The following SLC30A9 variants were observed in gnomAD, a reference collection of about 807,000 sequenced individuals.
SLC30A9 encodes the protein solute carrier family 30 member 9, also known as proton-coupled zinc antiporter SLC30A9, mitochondrial.
SLC30A9 carries 58 observed loss-of-function variants against 87.5 expected under a neutral mutation model. That is an observed-to-expected ratio of 0.66 (90% CI 0.54 to 0.82). SLC30A9 has a LOEUF of 0.82. Ranked by LOEUF, SLC30A9 falls within the 40% of genes least tolerant of loss-of-function variation. The pLI, the probability that SLC30A9 is intolerant of heterozygous loss-of-function variation, is 0.00. For missense variants in SLC30A9, 557 were observed against 679.1 expected (o/e 0.82, Z 2.00); for synonymous variants, 234 against 233.0 (o/e 1.00, Z -0.04).
chr4:42,060,170 T>A (rs1233723236), intron 9 of SLC30A9, 21 bp from the exon 10 acceptor site: 2 of 1,588,242 alleles, frequency 1.3e-6, no homozygotes, highest in East Asian at 2.2e-5. Context: ...ATTATTCACC[T>A]TTTTTTCTTC....
intron 2 of SLC30A9, among the ~76,000 whole-genome samples, chr4:42,008,519 T>A (rs1038210599): frequency 2.0e-5 from 3 of 152,194 alleles, no homozygotes; most frequent in African/African-American, 4.8e-5. Context: ...AGTTTTTACC[T>A]ATACATAGAT....
At chr4:42,085,170 A>G (rs11725543) in intron 17 of SLC30A9, among the ~76,000 whole-genome samples, 99,326 of 152,104 alleles carry the variant, frequency 0.65, 36,924 homozygotes, top group East Asian at 0.96. Flanking sequence ...TTCTGTCTAG[A>G]CACTCTTCAT....
At chr4:42,001,212 A>G (rs1181147809) in intron 1 of SLC30A9, among the ~76,000 whole-genome samples, 1 of 152,104 alleles carries the variant, frequency 6.6e-6, no homozygotes, top group Non-Finnish European at 1.5e-5. Context: ...GTGAAATGAA[A>G]GAGGAATAAA....
At chr4:41,991,654 C>G (rs1714446761) in intron 1 of SLC30A9, among the ~76,000 whole-genome samples, 2 of 152,000 alleles carry the variant, frequency 1.3e-5, no homozygotes, top group Non-Finnish European at 2.9e-5. Context: ...TGTGGTGGTG[C>G]GCTCCTGTAG....
intron 15 of SLC30A9, among the ~76,000 whole-genome samples, chr4:42,073,350 A>G (rs965844627): frequency 7.9e-5 from 12 of 152,352 alleles, no homozygotes; most frequent in Non-Finnish European, 1.6e-4. Context: ...AAACTGAAAG[A>G]CTGGCAAATT....
intron 2 of SLC30A9, among the ~76,000 whole-genome samples, chr4:42,014,035 A>G (rs530640948): frequency 6.6e-6 from 1 of 152,036 alleles, no homozygotes; most frequent in East Asian, 1.9e-4. Flanking sequence ...TCTATGGGGG[A>G]AAAATCTAAT....
intron 2 of SLC30A9, among the ~76,000 whole-genome samples, chr4:42,005,888 C>T (rs1299814641): frequency 6.6e-6 from 1 of 152,104 alleles, no homozygotes; most frequent in Non-Finnish European, 1.5e-5. Flanking sequence ...GAGTTGATTA[C>T]TAAAGCAGAA....
At chr4:42,033,781 T>C (rs779341301) in intron 6 of SLC30A9, among the ~76,000 whole-genome samples, 1 of 152,186 alleles carries the variant, frequency 6.6e-6, no homozygotes, top group Non-Finnish European at 1.5e-5. Flanking sequence ...TTCACCATGT[T>C]AGCCAGGATG....
At chr4:41,996,601 G>T (rs180760842) in intron 1 of SLC30A9, among the ~76,000 whole-genome samples, 1 of 152,104 alleles carries the variant, frequency 6.6e-6, no homozygotes, top group Non-Finnish European at 1.5e-5. Context: ...AATGTAGCCA[G>T]GTAGGGTGGC....
chr4:41,995,025 A>C (rs1448983920), intron 1 of SLC30A9, among the ~76,000 whole-genome samples: 2 of 152,050 alleles, frequency 1.3e-5, no homozygotes, highest in African/African-American at 4.8e-5. Flanking sequence ...TGGGAGGCCA[A>C]GGTGGGCGGA....
chr4:42,024,657 G>A (rs1716110821), intron 6 of SLC30A9, among the ~76,000 whole-genome samples: 1 of 152,054 alleles, frequency 6.6e-6, no homozygotes, highest in Non-Finnish European at 1.5e-5. Flanking sequence ...AAGGAAATAT[G>A]GTACCAATTT....
Position 41,990,666 on chromosome 4 carries a change from GGCC to G in SLC30A9, c.24_26del (p.Ala10del), listed in dbSNP as rs1157970933. The G allele has an allele frequency of 6.2e-7, 1 of 1,606,690 alleles. No homozygotes were observed. The highest frequency in any genetic ancestry group is 8.5e-7 in the Non-Finnish European group (1 of 1,175,552). On this transcript the variant is annotated inframe_deletion, in exon 1 of 18. Transcript: ENST00000264451. The stretch of plus-strand genomic sequence containing the variant: ...GCCCCACCAGGATGTTACCCGGCTT[GGCC>G]GCCGCCGCGGCCCACAGATGTAGCT...
At chr4:42,069,405 A>G (rs1718216210) in intron 14 of SLC30A9, among the ~76,000 whole-genome samples, 1 of 152,188 alleles carries the variant, frequency 6.6e-6, no homozygotes, top group South Asian at 2.1e-4. Flanking sequence ...TTAAGAGTAC[A>G]TGAATGTATA....
intron 16 of SLC30A9, among the ~76,000 whole-genome samples, chr4:42,077,278 G>C (rs570627031): frequency 3.0e-4 from 46 of 152,252 alleles, no homozygotes; most frequent in African/African-American, 9.9e-4. Flanking sequence ...ATTTCTTGGA[G>C]CATTGAGGTT....
chr4:42,041,627 T>C (rs1716927281), intron 8 of SLC30A9, among the ~76,000 whole-genome samples: 1 of 152,124 alleles, frequency 6.6e-6, no homozygotes, highest in Non-Finnish European at 1.5e-5. Flanking sequence ...GTAGACCTAC[T>C]CAGGAAGCTG....
At chr4:42,069,569 C>T (rs1204293843) in intron 14 of SLC30A9, among the ~76,000 whole-genome samples, 1 of 152,102 alleles carries the variant, frequency 6.6e-6, no homozygotes, top group Non-Finnish European at 1.5e-5. Flanking sequence ...TTTAGTGTTA[C>T]AGCTTAGCAA....
At position 42,010,778 on chromosome 4, in the gene SLC30A9, AT is replaced by A. The variant is rs199550510; in HGVS notation, c.275-7332del. Among the ~76,000 whole-genome samples the A allele has an allele frequency of 6.3e-3, 953 of 152,334 alleles. 4 individuals are homozygous for A. Among genetic ancestry groups the A allele is most frequent in the African/African-American group, 0.012 (511 of 41,570 alleles). The stretch of plus-strand genomic sequence containing the variant: ...CACTCATTGGAATAATAGATAAAGT[AT>A]AAAAAGAGAAAATTGAAGACATAGT... On this transcript the variant is annotated intron_variant, in intron 2 of 17. Coordinates refer to ENST00000264451, the MANE Select transcript of SLC30A9 (RefSeq NM_006345.4).
intron 8 of SLC30A9, among the ~76,000 whole-genome samples, chr4:42,047,643 A>C (rs1717218642): frequency 6.6e-6 from 1 of 152,228 alleles, no homozygotes; most frequent in South Asian, 2.1e-4. Flanking sequence ...AGTGTAAATT[A>C]GTTCAACCAT....
intron 8 of SLC30A9, among the ~76,000 whole-genome samples, chr4:42,045,653 G>A (rs2153138089): frequency 1.3e-5 from 2 of 151,012 alleles, no homozygotes; most frequent in South Asian, 4.2e-4. Context: ...GCAAAGAGGA[G>A]CTGGTACCAT....
Sources: gnomAD v4.1 joint callset for allele counts (sites outside exome capture counted in the v4.1 genomes callset) on GRCh38, gnomAD v4.1.1 for gene constraint, MANE v1.5 for transcripts, NCBI Gene and HGNC (gene_info 2026-07-23, HGNC 2026-07-21) for gene names.